Variants in SLCO4A1 observed in about 807,000 individuals in gnomAD.
The protein encoded by SLCO4A1 is colon organic anion transporter.
Under a neutral mutation model 64.6 loss-of-function variants are expected in SLCO4A1, and 51 were observed. That is an observed-to-expected ratio of 0.79 (90% CI 0.63 to 1.00). The LOEUF (loss-of-function observed/expected upper bound fraction) is 1.00. Among genes scored for constraint, SLCO4A1 ranks in the 50% least tolerant of loss-of-function variants. SLCO4A1 has a pLI of 0.00. For missense variants in SLCO4A1, 919 were observed against 980.5 expected (o/e 0.94, Z 0.84); for synonymous variants, 471 against 444.9 (o/e 1.06, Z -0.74).
At position 62,664,924 on chromosome 20, in the gene SLCO4A1, C is replaced by T; in HGVS notation, c.1122-10C>T. On this transcript the variant is annotated splice_polypyrimidine_tract_variant and intron_variant, in intron 5 of 11. Transcript: ENST00000217159. Reference sequence around the variant, plus strand: ...CTCAGTCTCTTCTCCACACCCCCACCTCTGCCCAGCTCCATCTGGCTCCTG... The same window carrying T: ...CTCAGTCTCTTCTCCACACCCCCACTTCTGCCCAGCTCCATCTGGCTCCTG... The T allele has an allele frequency of 1.3e-6, 2 of 1,595,522 alleles. No homozygotes were observed. The highest frequency in any genetic ancestry group is 2.2e-5 in the East Asian group (1 of 44,684).
rs1332147181 is a variant in SLCO4A1 at position 62,685,026 on chromosome 20, T to A, written n.212-415T>A. 6.6e-6 allele frequency among the ~76,000 whole-genome samples: 1 copy of A among 151,890 alleles called. No homozygotes were observed. The highest frequency in any genetic ancestry group is 1.9e-4 in the East Asian group (1 of 5,192). ...TCCTGCAGCACCTCAGAGAGACCAGTAATGGGGCGGATTAGCAGGGGCCAA... is the reference window on the plus strand; with the variant it reads ...TCCTGCAGCACCTCAGAGAGACCAGAAATGGGGCGGATTAGCAGGGGCCAA... On this transcript the variant is annotated intron_variant and non_coding_transcript_variant, in intron 2 of 2. Transcript: ENST00000466818. This position sits in a 1 kb window ranked among gnomAD's most constrained non-coding sequence, Gnocchi z 4.6.
Position 62,665,057 on chromosome 20 carries a change from C to T in SLCO4A1, c.1245C>T (p.Ser415=), listed in dbSNP as rs143676174. Reference sequence around the variant, plus strand: ...CCAAGTTCTTGGAGTCCCAGTTCAGCCTGAGTGCCTCAGAAGCTGCCACCT... The same window carrying T: ...CCAAGTTCTTGGAGTCCCAGTTCAGTCTGAGTGCCTCAGAAGCTGCCACCT... The part of the protein sequence containing the change: ...FSPKFLESQF[S]LSASEAATLF... Residue 415 remains serine, a synonymous_variant, in exon 6 of 12, where the codon AGC becomes AGT. Transcript: ENST00000217159. 1.2e-6 allele frequency: 2 copies of T among 1,612,706 alleles called. No individual in the cohort carries two copies. Among genetic ancestry groups the T allele is most frequent in the Non-Finnish European group, 1.7e-6 (2 of 1,179,530 alleles).
chr20:62,661,786 T>G lies in SLCO4A1; in HGVS notation c.1121+611T>G, dbSNP rs1228711022. Reference sequence around the variant, plus strand: ...TTGGCTGCCTTCCCTTTCTGCTGAGTGTGGTCCGGCCTTGCTTTGCTGTCT... The same window carrying G: ...TTGGCTGCCTTCCCTTTCTGCTGAGGGTGGTCCGGCCTTGCTTTGCTGTCT... On this transcript the variant is annotated intron_variant, in intron 5 of 11. Transcript: ENST00000217159. The surrounding 1 kb of genome is among the most constrained non-coding windows in gnomAD (Gnocchi z 5.2). Among the ~76,000 whole-genome samples, 1 of 151,780 alleles carries G rather than the reference T, an allele frequency of 6.6e-6. No homozygotes were observed. The highest frequency in any genetic ancestry group is 1.9e-4 in the East Asian group (1 of 5,150).
chr20:62,681,281 C>G (rs138316958), intron 2 of SLCO4A1, among the ~76,000 whole-genome samples: 1 of 152,360 alleles, frequency 6.6e-6, no homozygotes, highest in African/African-American at 2.4e-5. Flanking sequence ...CCAGTCTCCC[C>G]CAATGGTAAC....
Position 62,685,162 on chromosome 20 carries a change from G to T in SLCO4A1, n.212-279G>T, listed in dbSNP as rs974070677. ...GAGCAGGGCACTCAGCTGCCGAGGAGGGGGGTGGTGGGGAGGCACGGGCAG... is the reference window on the plus strand; with the variant it reads ...GAGCAGGGCACTCAGCTGCCGAGGATGGGGGTGGTGGGGAGGCACGGGCAG... On this transcript the variant is annotated intron_variant and non_coding_transcript_variant, in intron 2 of 2. Coordinates refer to the SLCO4A1 transcript ENST00000466818. The surrounding 1 kb of genome is among the most constrained non-coding windows in gnomAD (Gnocchi z 4.6). 2.0e-5 allele frequency among the ~76,000 whole-genome samples: 3 copies of T among 151,776 alleles called. No individual in the cohort carries two copies. Among genetic ancestry groups the T allele is most frequent in the Admixed American group, 2.0e-4 (3 of 15,232 alleles).
downstream of SLCO4A1, among the ~76,000 whole-genome samples, chr20:62,673,170 G>T (rs768312040): frequency 7.0e-6 from 1 of 142,860 alleles, no homozygotes; most frequent in South Asian, 2.2e-4. Flanking sequence ...GGCATGGGGG[G>T]GGCACAGAGG....
chr20:62,672,146 T>G lies in SLCO4A1; in HGVS notation c.*253T>G. 1.5e-6 allele frequency: 2 copies of G among 1,373,612 alleles called. No homozygotes were observed. The highest frequency in any genetic ancestry group is 1.9e-6 in the Non-Finnish European group (2 of 1,057,332). The allele number at this position is 1,373,612 out of a possible 1,614,324, so 85.1% of individuals were successfully genotyped here. On this transcript the variant is annotated 3_prime_UTR_variant, in exon 12 of 12. Coordinates refer to ENST00000217159, the MANE Select transcript of SLCO4A1 (RefSeq NM_016354.4). The stretch of plus-strand genomic sequence containing the variant: ...GAACGTGTTTATAGAATGTGTTTTA[T>G]ACCCGATCGTGTGTGGTGTGCGTGA...
At chr20:62,689,079 TCTCTAA>T (rs1988150313), downstream of SLCO4A1, among the ~76,000 whole-genome samples, 1 of 152,132 alleles carries the variant, frequency 6.6e-6, no homozygotes, top group Non-Finnish European at 1.5e-5. Context: ...AAATGGACGG[TCTCTAA>T]GGAATCAAGT....
chr20:62,671,719 C>G (rs201801348), intron 11 of SLCO4A1, 31 bp from the exon 12 acceptor site: 7 of 1,602,992 alleles, frequency 4.4e-6, no homozygotes, highest in Middle Eastern at 1.7e-4. Context: ...CCGAGCTCCC[C>G]ACGAGGTCCA....
At position 62,668,074 on chromosome 20, in the gene SLCO4A1, A is replaced by G. The variant is rs746448490; in HGVS notation, c.1701A>G (p.Ala567=). The G allele has an allele frequency of 1.9e-6, 3 of 1,613,878 alleles. No homozygotes were observed. The highest frequency in any genetic ancestry group is 2.7e-5 in the African/African-American group (2 of 74,942). ...NLSSGFGHAT[A]GKCTSTCQRK... ...CCTCTGGTTTTGGCCATGCCACTGC[A>G]GGGAAATGCACTTCAACTTGTCAGA... is the stretch of plus-strand genomic sequence containing the variant. Residue 567 remains alanine, a synonymous_variant, in exon 9 of 12, where the codon GCA becomes GCG. Coordinates refer to ENST00000217159, the MANE Select transcript of SLCO4A1 (RefSeq NM_016354.4).
intron 1 of SLCO4A1, among the ~76,000 whole-genome samples, chr20:62,652,373 C>T (rs1399283013): frequency 6.6e-6 from 1 of 152,160 alleles, no homozygotes; most frequent in African/African-American, 2.4e-5. Flanking sequence ...CTGAGCCTGG[C>T]CTGTCCTCCT....
chr20:62,688,468 C>G (rs1424790366), downstream of SLCO4A1, among the ~76,000 whole-genome samples: 4 of 152,232 alleles, frequency 2.6e-5, no homozygotes, highest in African/African-American at 9.6e-5. Flanking sequence ...TAAGCAAAAG[C>G]TCAGTCTGTG....
intron 5 of SLCO4A1, among the ~76,000 whole-genome samples, chr20:62,662,854 AC>A (rs11475466): frequency 0.96 from 142,226 of 147,572 alleles, 68,622 homozygotes; most frequent in Non-Finnish European, 0.99. Context: ...ACACGCCGGG[AC>A]CCCCCCCAGG....
chr20:62,656,377 A>T lies in SLCO4A1; in HGVS notation c.-78A>T. On this transcript the variant is annotated 5_prime_UTR_variant, in exon 2 of 12. Coordinates refer to ENST00000217159, the MANE Select transcript of SLCO4A1 (RefSeq NM_016354.4). ...CTCACAGGACACACCAGCCCCTCGG[A>T]TACCACTTGGCCACTCCCGCTGAGG... 1 of 1,284,814 alleles carries T rather than the reference A, an allele frequency of 7.8e-7. No individual in the cohort carries two copies. Among genetic ancestry groups the T allele is most frequent in the Non-Finnish European group, 1.0e-6 (1 of 960,206 alleles). 79.6% of individuals were successfully genotyped at this position (1,284,814 alleles called of 1,614,324 possible). A position where few individuals can be genotyped will look rare whatever the true frequency, so the allele number is the denominator to read the frequency against.
chr20:62,664,843 C>G (rs1274546324), intron 5 of SLCO4A1, 91 bp from the exon 6 acceptor site: 1 of 1,351,870 alleles, frequency 7.4e-7, no homozygotes, highest in East Asian at 2.5e-5. Context: ...CCTCTGCCCA[C>G]CACTCTGACC....
At position 62,644,610 on chromosome 20, in the gene SLCO4A1, G is replaced by T. The variant is rs8124106; in HGVS notation, c.-97+2057G>T. 6.6e-6 allele frequency among the ~76,000 whole-genome samples: 1 copy of T among 152,208 alleles called. No individual in the cohort carries two copies. The highest frequency in any genetic ancestry group is 1.5e-5 in the Non-Finnish European group (1 of 68,042). On this transcript the variant is annotated intron_variant, in intron 1 of 11. Transcript: ENST00000217159. The surrounding 1 kb of genome is among the most constrained non-coding windows in gnomAD (Gnocchi z 5.4). Reference sequence around the variant, plus strand: ...CCCATTGCAGTTTTGGCTCCAGGTCGGTCTGACTTCCAAATGGCAAAATTT... The same window carrying T: ...CCCATTGCAGTTTTGGCTCCAGGTCTGTCTGACTTCCAAATGGCAAAATTT...
At chr20:62,686,835 GCCCCCGAACAGGCACGATGGGTAGGGCA>G (rs1332273493), downstream of SLCO4A1, among the ~76,000 whole-genome samples, 2 of 152,018 alleles carry the variant, frequency 1.3e-5, no homozygotes, top group African/African-American at 4.8e-5. Context: ...TGAAAAGGGT[GCCCCCGAACAGGCACGATGGGTAGGGCA>G]CCCCCAAACA....
chr20:62,678,592 T>C (rs1415447864), intron 2 of SLCO4A1, among the ~76,000 whole-genome samples: 1 of 149,922 alleles, frequency 6.7e-6, no homozygotes, highest in Non-Finnish European at 1.5e-5. Context: ...AGTGCAGTGG[T>C]GCAATCTCAG....
intron 8 of SLCO4A1, 33 bp from the exon 9 acceptor site, chr20:62,667,979 C>G: frequency 6.2e-7 from 1 of 1,614,034 alleles, no homozygotes; most frequent in Non-Finnish European, 8.5e-7. Context: ...CGTGCCTTCC[C>G]CTTGTAATCG....
Sources: gnomAD v4.1 joint callset for allele counts (sites outside exome capture counted in the v4.1 genomes callset) on GRCh38, gnomAD v4.1.1 for gene constraint, Gnocchi (gnomAD v3.1) non-coding constraint, MANE v1.5 for transcripts, NCBI Gene and HGNC (gene_info 2026-07-23, HGNC 2026-07-21) for gene names.